COL6A2: variants seen among roughly 807,000 people sequenced by gnomAD.
COL6A2 encodes collagen type VI alpha 2 chain.
COL6A2 carries 90 observed loss-of-function variants against 124.9 expected under a neutral mutation model. The observed-to-expected ratio is 0.72, with a 90% confidence interval of 0.61 to 0.86. The LOEUF (loss-of-function observed/expected upper bound fraction) is 0.86. COL6A2 is among the 40% of genes least tolerant of loss of function. The pLI is 0.00. For missense variants in COL6A2, 1,607 were observed against 1,502.5 expected, an observed-to-expected ratio of 1.07 and a Z score of -1.15; for synonymous variants, 793 against 618.2, an observed-to-expected ratio of 1.28 and a Z score of -4.19.
chr21:46,124,853 C>G (rs539930932), intron 22 of COL6A2, 32 bp from the exon 23 acceptor site: 2 of 1,612,716 alleles, frequency 1.2e-6, no homozygotes, highest in South Asian at 1.1e-5. Flanking sequence ...AGCCTTGGCC[C>G]CAGAGTCTCA....
chr21:46,123,172 CCCA>C (rs1454704268), intron 21 of COL6A2, among the ~76,000 whole-genome samples: 1 of 130,924 alleles, frequency 7.6e-6, no homozygotes, highest in African/African-American at 3.0e-5. Flanking sequence ...CACAGCATCC[CCCA>C]CAAGGGTCCC....
chr21:46,122,999 T>A (rs1555874781), intron 21 of COL6A2, 62 bp downstream of exon 21: 1 of 1,490,260 alleles, frequency 6.7e-7, no homozygotes, highest in South Asian at 1.1e-5. Flanking sequence ...GCCCTGAGGC[T>A]GAGCGTGTGC....
intron 5 of COL6A2, among the ~76,000 whole-genome samples, chr21:46,115,054 G>A (rs547782335): frequency 2.0e-5 from 3 of 152,378 alleles, no homozygotes; most frequent in African/African-American, 7.2e-5. Context: ...TCCCTCCCTG[G>A]CTTCTCCAGT....
intron 1 of COL6A2, among the ~76,000 whole-genome samples, chr21:46,099,330 C>G (rs1294371398): frequency 1.3e-5 from 2 of 152,030 alleles, no homozygotes; most frequent in African/African-American, 4.8e-5. Context: ...GTGGCAGGCA[C>G]CTGTAATCCC....
chr21:46,128,977 G>T lies in COL6A2; in HGVS notation c.2461+2436G>T, dbSNP rs1398243752. 6 of 1,608,652 alleles carry T rather than the reference G, an allele frequency of 3.7e-6. No homozygotes were observed. The Admixed American group carries it at 8.3e-5, about 22-fold the overall frequency. On this transcript the variant is annotated intron_variant, in intron 27 of 27. Coordinates refer to ENST00000300527, the MANE Select transcript of COL6A2 (RefSeq NM_001849.4). ...GTCCCCCAAAGGTGCCACCGTGCGG[G>T]TCTCCTAGCTCCCTGCCAGCTTCCT... is the stretch of plus-strand genomic sequence containing the variant.
chr21:46,108,202 A>G (rs1237924381), intron 1 of COL6A2, among the ~76,000 whole-genome samples: 2 of 151,956 alleles, frequency 1.3e-5, no homozygotes, highest in African/African-American at 4.8e-5. Context: ...TTCTTTTCCA[A>G]CAGTTATACT....
At position 46,116,706 on chromosome 21, in the gene COL6A2, C is replaced by G; in HGVS notation, c.954+29C>G. 4 of 1,613,060 alleles carry G rather than the reference C, an allele frequency of 2.5e-6. No homozygotes were observed. In the South Asian group the frequency reaches 4.4e-5, roughly 18 times the overall value. On this transcript the variant is annotated intron_variant, in intron 9 of 27. Transcript: ENST00000300527. The surrounding 1 kb of genome is among the most constrained non-coding windows in gnomAD (Gnocchi z 4.6). ...GGCTGGCTGGGTAGGCAGAGCCCCT[C>G]CTTCCTGCTGCTCAGGGCAGAAGGA... is the stretch of plus-strand genomic sequence containing the variant.
chr21:46,129,682 C>G, intron 27 of COL6A2: 1 of 1,416,360 alleles, frequency 7.1e-7, no homozygotes, highest in Non-Finnish European at 9.2e-7. Context: ...TCCCTTGCTG[C>G]GGCTGCATCT....
intron 1 of COL6A2, among the ~76,000 whole-genome samples, chr21:46,100,390 A>AT (rs2078276809): frequency 6.6e-6 from 1 of 151,966 alleles, no homozygotes; most frequent in Non-Finnish European, 1.5e-5. Flanking sequence ...ATTTTCCCGA[A>AT]TTTTTTATTG....
chr21:46,121,439 A>T (rs2078564412), intron 17 of COL6A2, 117 bp from the exon 18 acceptor site: 4 of 978,416 alleles, frequency 4.1e-6, no homozygotes, highest in Non-Finnish European at 1.6e-6. Flanking sequence ...CACAGGCAGC[A>T]GGAGGAGCTG....
rs1053544336 is a variant in COL6A2 at position 46,132,612 on chromosome 21, C to T, written c.*60C>T. 24 of 1,483,630 alleles carry T rather than the reference C, an allele frequency of 1.6e-5. No homozygotes were observed. Among genetic ancestry groups the T allele is most frequent in the East Asian group, 4.9e-5 (2 of 41,038 alleles). The allele number at this position is 1,483,630 out of a possible 1,614,324, so 91.9% of individuals were successfully genotyped here. A position where few individuals can be genotyped will look rare whatever the true frequency, so the allele number is the denominator to read the frequency against. ...AGCCCACCCCGTCCATGGTGCTAAG[C>T]GGGCCCGGGTCCCACACGGCCAGCA... On this transcript the variant is annotated 3_prime_UTR_variant, in exon 28 of 28. Transcript: ENST00000300527.
intron 27 of COL6A2, among the ~76,000 whole-genome samples, chr21:46,127,979 CCT>C (rs1405823168): frequency 6.6e-6 from 1 of 152,182 alleles, no homozygotes; most frequent in East Asian, 1.9e-4. Flanking sequence ...GCACGTGGGC[CCT>C]GATTCGCTGA....
chr21:46,122,978 G>C (rs1355098680), intron 21 of COL6A2, 41 bp downstream of exon 21: 1 of 1,583,462 alleles, frequency 6.3e-7, no homozygotes, highest in Non-Finnish European at 8.7e-7. Flanking sequence ...GCTGGGCAGA[G>C]GCAGGGAGGG....
In COL6A2 at chr21:46,111,992, C is replaced by T. The variant is rs755324001; in HGVS notation, c.129C>T (p.Cys43=). 2 of 1,612,130 alleles carry T rather than the reference C, an allele frequency of 1.2e-6. No individual in the cohort carries two copies. Among genetic ancestry groups the T allele is most frequent in the Non-Finnish European group, 1.7e-6 (2 of 1,179,976 alleles). Residue 43 remains cysteine, a synonymous_variant, in exon 3 of 28, where the codon TGC becomes TGT. Transcript: ENST00000300527. ...TGTGCCCCACAGAGAAGACCGACTG[C>T]CCCATCCACGTGTACTTCGTGCTGG... is the stretch of plus-strand genomic sequence containing the variant. ...RNNNCPEKTD[C]PIHVYFVLDT...
chr21:46,118,911 T>C (rs767985953), intron 13 of COL6A2, 119 bp from the exon 14 acceptor site: 2 of 984,034 alleles, frequency 2.0e-6, no homozygotes, highest in Non-Finnish European at 3.2e-6. Context: ...GGCCCCCATG[T>C]GCCTGGCAAG....
rs890400691 is a variant in COL6A2 at position 46,126,248 on chromosome 21, G to A, written c.2422+11G>A. On this transcript the variant is annotated intron_variant, in intron 26 of 27. Coordinates refer to ENST00000300527, the MANE Select transcript of COL6A2 (RefSeq NM_001849.4). ...ACGTCCTCTGCCCGGGTGAGCGTGT[G>A]GGCGCGGGGCAGTCGGCCGAGGAGC... 5 of 1,597,598 alleles carry A rather than the reference G, an allele frequency of 3.1e-6. No homozygotes were observed. The highest frequency in any genetic ancestry group is 4.2e-6 in the Non-Finnish European group (5 of 1,178,014).
At chr21:46,128,055 C>G (rs959235325) in intron 27 of COL6A2, among the ~76,000 whole-genome samples, 8 of 152,220 alleles carry the variant, frequency 5.3e-5, no homozygotes, top group African/African-American at 1.9e-4. Flanking sequence ...CTCGTGATCT[C>G]TCTGGTTCTG....
In COL6A2 at chr21:46,124,930, A is replaced by T. The variant is rs1181979638; in HGVS notation, c.1770+10A>T. ...AGACCCCGGTCTCACGGTAGGTGTC[A>T]CATGGGGCAGAACCAGTGTCCTTCT... is the stretch of plus-strand genomic sequence containing the variant. On this transcript the variant is annotated intron_variant, in intron 23 of 27. Transcript: ENST00000300527. 1 of 1,612,876 alleles carries T rather than the reference A, an allele frequency of 6.2e-7. No individual in the cohort carries two copies. Among genetic ancestry groups the T allele is most frequent in the Non-Finnish European group, 8.5e-7 (1 of 1,179,992 alleles).
intron 1 of COL6A2, among the ~76,000 whole-genome samples, chr21:46,102,499 A>G (rs563413793): frequency 4.6e-5 from 7 of 152,142 alleles, no homozygotes; most frequent in Non-Finnish European, 8.8e-5. Context: ...TCAGTCTTTC[A>G]CCACTGAGTA....
Sources: allele counts gnomAD v4.1 joint callset (sites outside exome capture counted in the v4.1 genomes callset), GRCh38; gene constraint gnomAD v4.1.1; non-coding constraint Gnocchi (gnomAD v3.1); transcripts MANE v1.5; gene names NCBI Gene and HGNC (gene_info 2026-07-23, HGNC 2026-07-21).